RANBP2: variants seen among roughly 807,000 people sequenced by gnomAD.
The protein encoded by RANBP2 is E3 SUMO-protein ligase RanBP2.
A neutral mutation model predicts 303.6 loss-of-function variants in RANBP2; 57 were observed. That is an observed-to-expected ratio of 0.19 (90% CI 0.15 to 0.23). RANBP2 has a LOEUF of 0.23. Ranked by LOEUF, RANBP2 falls within the 10% of genes least tolerant of loss-of-function variation. RANBP2 has a pLI of 1.00. For synonymous variants in RANBP2, 1,167 were observed against 1,301.5 expected, an observed-to-expected ratio of 0.90 and a Z score of 2.23; for missense variants, 3,138 against 3,780.8, an observed-to-expected ratio of 0.83 and a Z score of 4.46.
chr2:108,910,684 A>G, the RANBP2 span: 49 of 1,478,296 alleles, frequency 3.3e-5, no homozygotes, highest in Non-Finnish European at 4.6e-5. Flanking sequence ...AGCATGTGAG[A>G]GCAGAAGCAG....
chr2:108,767,360 C>T lies in RANBP2; in HGVS notation c.6821C>T (p.Ala2274Val). Residue 2274 changes from alanine to valine, a missense_variant, in exon 20 of 29, where the codon GCT becomes GTT. Around this residue, in one of 20 missense-constraint regions of RANBP2, gnomAD observed 72 missense variants for 86.8 expected, o/e 0.83. Coordinates refer to ENST00000283195, the MANE Select transcript of RANBP2 (RefSeq NM_006267.5). ...TTGFNFSFKSALSPSKSPAKL... is the reference protein window; with the variant it reads ...TTGFNFSFKSVLSPSKSPAKL... ...GGATTTAACTTCAGTTTTAAATCTG[C>T]TTTGAGTCCATCTAAGTCTCCTGCC... 1.2e-6 allele frequency: 2 copies of T among 1,612,018 alleles called. No homozygotes were observed. Among genetic ancestry groups the T allele is most frequent in the Non-Finnish European group, 8.5e-7 (1 of 1,179,862 alleles).
the RANBP2 span, among the ~76,000 whole-genome samples, chr2:109,363,510 T>C: frequency 1.3e-5 from 2 of 152,192 alleles, no homozygotes; most frequent in African/African-American, 2.4e-5. Context: ...CAATTAAGAA[T>C]AGCAAAAATA....
intron 7 of RANBP2, among the ~76,000 whole-genome samples, chr2:108,745,850 C>G (rs930566261): frequency 1.3e-5 from 2 of 150,888 alleles, no homozygotes; most frequent in Non-Finnish European, 2.9e-5. Context: ...CTGAATGTAA[C>G]ATGAATGTGC....
At chr2:108,863,283 T>A in the RANBP2 span, among the ~76,000 whole-genome samples, 2 of 152,238 alleles carry the variant, frequency 1.3e-5, no homozygotes, top group African/African-American at 2.4e-5. Flanking sequence ...AACCTAATCC[T>A]ACATACATAT....
At chr2:109,658,461 G>T in the RANBP2 span, among the ~76,000 whole-genome samples, 1 of 151,628 alleles carries the variant, frequency 6.6e-6, no homozygotes, top group Non-Finnish European at 1.5e-5. Flanking sequence ...AAAAGAAAAA[G>T]ATATAAATCA....
chr2:109,542,051 T>C, the RANBP2 span, among the ~76,000 whole-genome samples: 5 of 152,346 alleles, frequency 3.3e-5, no homozygotes, highest in East Asian at 7.7e-4. Context: ...CGTACCAGGA[T>C]TAACGGCTGT....
the RANBP2 span, among the ~76,000 whole-genome samples, chr2:108,942,739 C>T: frequency 5.9e-5 from 9 of 152,242 alleles, 1 homozygote; most frequent in Admixed American, 5.9e-4. Context: ...CGCTCCCAGG[C>T]ACCACCCTGG....
At chr2:109,206,596 G>T in the RANBP2 span, among the ~76,000 whole-genome samples, 2 of 151,798 alleles carry the variant, frequency 1.3e-5, no homozygotes, top group Non-Finnish European at 2.9e-5. Flanking sequence ...ATAGCTTGAG[G>T]CTGGAGTTCA....
chr2:109,199,941 T>G, the RANBP2 span, among the ~76,000 whole-genome samples: 1 of 146,430 alleles, frequency 6.8e-6, no homozygotes, highest in Non-Finnish European at 1.5e-5. Flanking sequence ...GTACAGCACG[T>G]GTCCCCAGGG....
At chr2:109,125,363 G>C in the RANBP2 span, among the ~76,000 whole-genome samples, 1 of 152,212 alleles carries the variant, frequency 6.6e-6, no homozygotes, top group South Asian at 2.1e-4. Context: ...CTAAAAAGAA[G>C]TTCAAATTTT....
chr2:109,075,579 CAAAAAAA>C, the RANBP2 span, among the ~76,000 whole-genome samples: 4 of 109,694 alleles, frequency 3.6e-5, no homozygotes, highest in Admixed American at 3.0e-4. Context: ...CTTAGACAAA[CAAAAAAA>C]AAAAAAAAAA....
chr2:109,076,922 C>T, the RANBP2 span, among the ~76,000 whole-genome samples: 2 of 150,242 alleles, frequency 1.3e-5, no homozygotes. Context: ...CACAAAAGAT[C>T]CTGAATAGCT....
chr2:108,776,494 A>AC (rs1677904510), intron 24 of RANBP2, among the ~76,000 whole-genome samples: 1 of 152,106 alleles, frequency 6.6e-6, no homozygotes, highest in Non-Finnish European at 1.5e-5. Context: ...TGCTTTGTGT[A>AC]CCTTACCTAC....
chr2:108,935,755 C>T, the RANBP2 span, among the ~76,000 whole-genome samples: 1 of 152,214 alleles, frequency 6.6e-6, no homozygotes, highest in Non-Finnish European at 1.5e-5. Context: ...ATGTGGCAAT[C>T]TTATAGGCCC....
the RANBP2 span, chr2:109,574,891 C>T: frequency 3.6e-6 from 2 of 560,076 alleles, no homozygotes; most frequent in Non-Finnish European, 5.5e-6. Flanking sequence ...CTATGCTGAA[C>T]AGATTAACTT....
the RANBP2 span, among the ~76,000 whole-genome samples, chr2:109,453,696 C>A: frequency 1.3e-5 from 2 of 152,216 alleles, no homozygotes. Flanking sequence ...GAAAGGTCAA[C>A]CCTGGCCTGG....
the RANBP2 span, among the ~76,000 whole-genome samples, chr2:108,935,840 C>CA: frequency 2.6e-5 from 4 of 152,192 alleles, no homozygotes; most frequent in Non-Finnish European, 4.4e-5. Flanking sequence ...ACATGGAAGA[C>CA]ATCATTATAT....
the RANBP2 span, among the ~76,000 whole-genome samples, chr2:109,274,710 C>G: frequency 0.4 from 60,420 of 151,900 alleles, 12,096 homozygotes; most frequent in South Asian, 0.44. Context: ...AGATAGAGGT[C>G]GTGGCTGCAT....
chr2:109,542,211 T>A, the RANBP2 span, among the ~76,000 whole-genome samples: 1 of 152,332 alleles, frequency 6.6e-6, no homozygotes, highest in South Asian at 2.1e-4. Flanking sequence ...TAAGAAGAAG[T>A]CATTAAAAAA....
Sources: allele counts gnomAD v4.1 joint callset (sites outside exome capture counted in the v4.1 genomes callset), GRCh38; gene constraint gnomAD v4.1.1; regional missense constraint gnomAD v4.1.1; transcripts MANE v1.5; gene names NCBI Gene and HGNC (gene_info 2026-07-23, HGNC 2026-07-21).